The following SLC15A2 variants were observed in gnomAD, a reference collection of about 807,000 sequenced individuals.
The protein encoded by SLC15A2 is solute carrier family 15 member 2.
In SLC15A2, 77 loss-of-function variants were observed where a neutral mutation model predicts 95.5. That is an observed-to-expected ratio of 0.81 (90% CI 0.67 to 0.97). The LOEUF is 0.97. SLC15A2 is among the 50% of genes least tolerant of loss of function. SLC15A2 has a pLI of 0.00. For synonymous variants in SLC15A2, 306 were observed against 306.9 expected (o/e 1.00, Z 0.03); for missense variants, 893 against 874.4 (o/e 1.02, Z -0.27).
chr3:121,931,158 C>A (rs1403560927), intron 18 of SLC15A2, among the ~76,000 whole-genome samples: 2 of 152,176 alleles, frequency 1.3e-5, no homozygotes, highest in Admixed American at 6.5e-5. Context: ...GTGAAGACCA[C>A]ACTATATAGT....
At chr3:121,928,085 G>A (rs1181664623) in intron 14 of SLC15A2, among the ~76,000 whole-genome samples, 1 of 152,202 alleles carries the variant, frequency 6.6e-6, no homozygotes, top group Non-Finnish European at 1.5e-5. Context: ...ATATCCAAGA[G>A]AGCCCTCTCC....
chr3:121,940,853 C>T lies in SLC15A2; in HGVS notation c.2036C>T (p.Ser679Phe), dbSNP rs1710448165. ...LVQWAEFILF[S>F]CLLLVICLIF... Reference sequence around the variant, plus strand: ...CAGTGGGCCGAATTCATTTTGTTTTCCTGCCTCCTGCTGGTGATCTGCCTG... The same window carrying T: ...CAGTGGGCCGAATTCATTTTGTTTTTCTGCCTCCTGCTGGTGATCTGCCTG... Residue 679 changes from serine to phenylalanine, a missense_variant, in exon 22 of 22, where the codon TCC (serine) becomes TTC (phenylalanine). Ser to Phe is a radical substitution (Grantham distance 155). Transcript: ENST00000489711. 1.9e-6 allele frequency: 3 copies of T among 1,612,118 alleles called. No homozygotes were observed. Among genetic ancestry groups the T allele is most frequent in the Non-Finnish European group, 2.5e-6 (3 of 1,179,516 alleles).
chr3:121,927,893 T>G, intron 14 of SLC15A2, 54 bp downstream of exon 14: 3 of 1,371,552 alleles, frequency 2.2e-6, no homozygotes, highest in Non-Finnish European at 3.1e-6. Context: ...CTTTCTTATT[T>G]GCTCTTTTGA....
chr3:121,918,009 A>G (rs1399991463), intron 7 of SLC15A2, among the ~76,000 whole-genome samples: 1 of 152,230 alleles, frequency 6.6e-6, no homozygotes, highest in Non-Finnish European at 1.5e-5. Context: ...ATTGTGAGGG[A>G]GAGTGGGGAA....
Position 121,929,026 on chromosome 3 carries a change from G to T in SLC15A2, c.1386G>T (p.Gln462His). ...AACTGCACCTGAAAACAAAAAGCCA[G>T]GATTTTCACTTCCACCTGAAATATC... ...YSKLHLKTKS[Q>H]DFHFHLKYHN... The change falls in exon 16 of 22, where the codon CAG becomes CAT. Residue 462 changes from glutamine to histidine, a missense_variant. Coordinates refer to ENST00000489711, the MANE Select transcript of SLC15A2 (RefSeq NM_021082.4). 6.2e-7 allele frequency: 1 copy of T among 1,614,014 alleles called. No individual in the cohort carries two copies. The highest frequency in any genetic ancestry group is 8.5e-7 in the Non-Finnish European group (1 of 1,179,970).
rs1710510106 is a variant in SLC15A2, at chr3:121,944,173, T to C, written c.*3166T>C. 6.6e-6 allele frequency: 1 copy of C among 152,224 alleles called. No individual in the cohort carries two copies. The highest frequency in any genetic ancestry group is 1.5e-5 in the Non-Finnish European group (1 of 68,022). The allele number at this position is 152,224 out of a possible 1,614,324, so 9.4% of individuals were successfully genotyped here. A position where few individuals can be genotyped will look rare whatever the true frequency, so the allele number is the denominator to read the frequency against. ...TTCTTAACATTTGCATATTAAAGACTCTGACTATATATGGACATATATGAC... is the reference window on the plus strand; with the variant it reads ...TTCTTAACATTTGCATATTAAAGACCCTGACTATATATGGACATATATGAC... On this transcript the variant is annotated 3_prime_UTR_variant, in exon 22 of 22. Transcript: ENST00000489711.
At chr3:121,907,987 G>A (rs1481859683) in intron 3 of SLC15A2, among the ~76,000 whole-genome samples, 3 of 152,262 alleles carry the variant, frequency 2.0e-5, no homozygotes, top group African/African-American at 7.2e-5. Context: ...CCAGAGGTGG[G>A]TGGGGTCTAC....
intron 5 of SLC15A2, among the ~76,000 whole-genome samples, chr3:121,914,365 T>C (rs1486653196): frequency 1.3e-5 from 2 of 152,310 alleles, no homozygotes; most frequent in African/African-American, 4.8e-5. Context: ...TATTTGAAAG[T>C]TGTTTCATTT....
chr3:121,896,537 C>G (rs779127661), intron 2 of SLC15A2, 44 bp downstream of exon 2: 1 of 1,428,482 alleles, frequency 7.0e-7, no homozygotes, highest in Admixed American at 1.7e-5. Flanking sequence ...CTCCACCCAC[C>G]CTCACCCCAT....
chr3:121,936,363 G>A (rs539218712), intron 19 of SLC15A2, among the ~76,000 whole-genome samples: 1 of 152,090 alleles, frequency 6.6e-6, no homozygotes, highest in South Asian at 2.1e-4. Context: ...TTGACAGTGG[G>A]GTGTTAAAGT....
In SLC15A2 at chr3:121,911,643, A is replaced by G. The variant is rs369991905; in HGVS notation, c.405A>G (p.Ile135Met). The change falls in exon 4 of 22, where the codon ATA (isoleucine) becomes ATG (methionine). Residue 135 changes from isoleucine (I) to methionine (M), a missense_variant. Coordinates refer to ENST00000489711, the MANE Select transcript of SLC15A2 (RefSeq NM_021082.4). ...TCAAGTCCTTGGGTGCCTTACCAAT[A>G]CTGGGAGGACAAGTGGTACACACGT... ...HVIKSLGALPILGGQVVHTVL... is the reference protein window; with the variant it reads ...HVIKSLGALPMLGGQVVHTVL... The G allele has an allele frequency of 6.2e-7, 1 of 1,612,632 alleles. No individual in the cohort carries two copies. The highest frequency in any genetic ancestry group is 8.5e-7 in the Non-Finnish European group (1 of 1,178,600).
intron 8 of SLC15A2, 92 bp downstream of exon 8, chr3:121,922,394 T>A (rs916562083): frequency 5.3e-6 from 5 of 946,558 alleles, no homozygotes; most frequent in Non-Finnish European, 8.2e-6. Context: ...GCATACATTT[T>A]TCTCAATGAC....
intron 3 of SLC15A2, among the ~76,000 whole-genome samples, chr3:121,901,881 T>C (rs146371065): frequency 3.3e-4 from 50 of 152,282 alleles, no homozygotes; most frequent in African/African-American, 9.1e-4. Flanking sequence ...TGTTTACTTT[T>C]ATTCACGTGT....
chr3:121,898,980 A>T (rs1043734793), intron 3 of SLC15A2, among the ~76,000 whole-genome samples: 1 of 152,204 alleles, frequency 6.6e-6, no homozygotes, highest in Non-Finnish European at 1.5e-5. Context: ...CATTTGCTAC[A>T]TATGTAGTAG....
At position 121,919,355 on chromosome 3, in the gene SLC15A2, C is replaced by T. The variant is rs560358560; in HGVS notation, c.698-2865C>T. On this transcript the variant is annotated intron_variant, in intron 7 of 21. Transcript: ENST00000489711. ...GATGAAGAGGAATGGGGTGTGTGGA[C>T]ACCAGAGAGTGAGTAAAGCAGAGAA... Among the ~76,000 whole-genome samples the T allele has an allele frequency of 9.2e-5, 14 of 152,250 alleles. No homozygotes were observed. In the South Asian group the frequency reaches 1.4e-3, roughly 16 times the overall value.
chr3:121,918,321 A>G (rs1330739858), intron 7 of SLC15A2, among the ~76,000 whole-genome samples: 1 of 152,222 alleles, frequency 6.6e-6, no homozygotes, highest in East Asian at 1.9e-4. Context: ...TAGTGGGGTT[A>G]TTAACTGAGC....
chr3:121,909,637 T>G (rs983299170), intron 3 of SLC15A2, among the ~76,000 whole-genome samples: 3 of 152,124 alleles, frequency 2.0e-5, no homozygotes, highest in Non-Finnish European at 4.4e-5. Flanking sequence ...TTTGTTTGTT[T>G]TTTGGTTGTT....
chr3:121,907,361 C>G (rs1709671103), intron 3 of SLC15A2, among the ~76,000 whole-genome samples: 1 of 152,246 alleles, frequency 6.6e-6, no homozygotes, highest in African/African-American at 2.4e-5. Context: ...GTCAGCTCAT[C>G]AAAGTCATTC....
At chr3:121,907,202 G>C (rs1311453350) in intron 3 of SLC15A2, among the ~76,000 whole-genome samples, 1 of 152,144 alleles carries the variant, frequency 6.6e-6, no homozygotes, top group Non-Finnish European at 1.5e-5. Flanking sequence ...AGCTCCATCA[G>C]GTCATTTAAA....
Sources: allele counts gnomAD v4.1 joint callset (sites outside exome capture counted in the v4.1 genomes callset), GRCh38; gene constraint gnomAD v4.1.1; transcripts MANE v1.5; gene names NCBI Gene and HGNC (gene_info 2026-07-23, HGNC 2026-07-21).